Variants in POMGNT2 observed in about 807,000 individuals in gnomAD.
POMGNT2 encodes protein O-linked-mannose beta-1,4-N-acetylglucosaminyltransferase 2.
In POMGNT2, 32 loss-of-function variants were observed where a neutral mutation model predicts 37.8. The observed-to-expected ratio is 0.85, with a 90% CI of 0.64 to 1.14. The LOEUF (loss-of-function observed/expected upper bound fraction) is 1.14, where lower values mean the gene tolerates loss of function less well. Among genes scored for constraint, POMGNT2 ranks in the 50% most tolerant of loss-of-function variants. The pLI is 0.00. For synonymous variants in POMGNT2, 340 were observed against 336.8 expected, an observed-to-expected ratio of 1.01 and a Z score of -0.10; for missense variants, 705 against 780.6, an observed-to-expected ratio of 0.90 and a Z score of 1.15.
intron 1 of POMGNT2, among the ~76,000 whole-genome samples, chr3:43,091,008 C>T (rs539556213): frequency 6.6e-6 from 1 of 152,162 alleles, no homozygotes; most frequent in Non-Finnish European, 1.5e-5. Context: ...TCTCCTCCCA[C>T]AAAGTATCTA....
intron 1 of POMGNT2, among the ~76,000 whole-genome samples, chr3:43,088,918 C>A (rs983303191): frequency 6.6e-6 from 1 of 152,188 alleles, no homozygotes; most frequent in African/African-American, 2.4e-5. Flanking sequence ...AACATTCCAA[C>A]TGGTATGGAG....
Position 43,080,583 on chromosome 3 carries a change from G to C in POMGNT2, c.849C>G (p.Pro283=). The change falls in exon 2 of 2, where the codon CCC becomes CCG. Residue 283 remains proline, a synonymous_variant. Transcript: ENST00000344697. ...AGACCAGAATGTACTCCTCGCCTAGGGGGACTCCTGTGTGGCTCACGTTCA... is the reference window on the plus strand; with the variant it reads ...AGACCAGAATGTACTCCTCGCCTAGCGGGACTCCTGTGTGGCTCACGTTCA... The part of the protein sequence containing the change: ...EKLNVSHTGV[P]LGEEYILVFS... The C allele has an allele frequency of 1.9e-6, 3 of 1,614,226 alleles. No homozygotes were observed. Among genetic ancestry groups the C allele is most frequent in the Non-Finnish European group, 2.5e-6 (3 of 1,180,042 alleles).
chr3:43,096,114 G>A (rs937114631), intron 1 of POMGNT2, among the ~76,000 whole-genome samples: 5 of 152,262 alleles, frequency 3.3e-5, no homozygotes, highest in Admixed American at 3.3e-4. Context: ...TTAGAAAAGC[G>A]GAGGTAATCA....
rs1017220189 is a variant in POMGNT2 at position 43,079,849 on chromosome 3, T to A, written c.1583A>T (p.Glu528Val). 12 of 1,614,182 alleles carry A rather than the reference T, an allele frequency of 7.4e-6. No individual in the cohort carries two copies. Among genetic ancestry groups the A allele is most frequent in the Non-Finnish European group, 1.0e-5 (12 of 1,180,018 alleles). ...REVKYEVWLQ[E>V]QGENTYVPYI... ...AGGCACGTAGGTGTTCTCCCCCTGCTCCTGCAGCCACACCTCGTACTTCAC... is the reference window on the plus strand; with the variant it reads ...AGGCACGTAGGTGTTCTCCCCCTGCACCTGCAGCCACACCTCGTACTTCAC... Residue 528 changes from glutamate to valine, a missense_variant, in exon 2 of 2, where the codon GAG becomes GTG. Glu to Val is a moderately radical substitution (Grantham distance 121). Coordinates refer to ENST00000344697, the MANE Select transcript of POMGNT2 (RefSeq NM_032806.6).
At chr3:43,091,537 T>C (rs546433592) in intron 1 of POMGNT2, among the ~76,000 whole-genome samples, 53 of 152,340 alleles carry the variant, frequency 3.5e-4, no homozygotes, top group African/African-American at 1.1e-3. Context: ...CAGTAATAAC[T>C]GTTGCAGGCA....
intron 1 of POMGNT2, among the ~76,000 whole-genome samples, chr3:43,100,089 T>C (rs2090006633): frequency 6.6e-6 from 1 of 152,088 alleles, no homozygotes; most frequent in Non-Finnish European, 1.5e-5. Context: ...AAAAGTTGCA[T>C]GTATAGGACA....
At chr3:43,094,421 T>C (rs2089964964) in intron 1 of POMGNT2, among the ~76,000 whole-genome samples, 1 of 152,188 alleles carries the variant, frequency 6.6e-6, no homozygotes. Context: ...TCCAGACCAA[T>C]TTTCACTGCT....
At chr3:43,101,451 T>G (rs2090018760) in intron 1 of POMGNT2, among the ~76,000 whole-genome samples, 1 of 152,142 alleles carries the variant, frequency 6.6e-6, no homozygotes. Flanking sequence ...CTGGCCATGG[T>G]GTCTTCCAAA....
intron 1 of POMGNT2, among the ~76,000 whole-genome samples, chr3:43,086,616 G>C (rs1483268290): frequency 1.3e-5 from 2 of 152,210 alleles, no homozygotes; most frequent in Non-Finnish European, 2.9e-5. Flanking sequence ...CAGAACTTCA[G>C]ATCAGGTCTA....
At chr3:43,100,444 G>A (rs114228612) in intron 1 of POMGNT2, among the ~76,000 whole-genome samples, 2,190 of 152,250 alleles carry the variant, frequency 0.014, 50 homozygotes, top group African/African-American at 0.05. Context: ...TCTGGTATCT[G>A]TGGGGGATCC....
At chr3:43,090,790 G>C (rs184737204) in intron 1 of POMGNT2, among the ~76,000 whole-genome samples, 1 of 152,330 alleles carries the variant, frequency 6.6e-6, no homozygotes, top group Admixed American at 6.5e-5. Context: ...CTCAGATCTA[G>C]ACCAGGGAAC....
chr3:43,090,780 CTCAGA>C (rs2089937263), intron 1 of POMGNT2, among the ~76,000 whole-genome samples: 2 of 152,150 alleles, frequency 1.3e-5, no homozygotes, highest in East Asian at 3.9e-4. Flanking sequence ...AGATCCTCAG[CTCAGA>C]TCTAGACCAG....
At position 43,080,564 on chromosome 3, in the gene POMGNT2, G is replaced by C. The variant is rs1575462235; in HGVS notation, c.868C>G (p.Leu290Val). 6.2e-7 allele frequency: 1 copy of C among 1,614,244 alleles called. No individual in the cohort carries two copies. The highest frequency in any genetic ancestry group is 8.5e-7 in the Non-Finnish European group (1 of 1,180,046). Residue 290 changes from leucine to valine, a missense_variant, in exon 2 of 2, where the codon CTG becomes GTG. Physicochemically the swap from Leu to Val is conservative, Grantham distance 32. Transcript: ENST00000344697. ...TGVPLGEEYILVFSRTQNRLI... is the reference protein window; with the variant it reads ...TGVPLGEEYIVVFSRTQNRLI... Reference sequence around the variant, plus strand: ...CTGTTCTGGGTTCGGCTAAAGACCAGAATGTACTCCTCGCCTAGGGGGACT... The same window carrying C: ...CTGTTCTGGGTTCGGCTAAAGACCACAATGTACTCCTCGCCTAGGGGGACT...
rs766108967 is a variant in POMGNT2 at position 43,081,167 on chromosome 3, C to T, written c.265G>A (p.Glu89Lys). 3.5e-5 allele frequency: 57 copies of T among 1,614,094 alleles called. No individual in the cohort carries two copies. The highest frequency in any genetic ancestry group is 1.4e-4 in the South Asian group (13 of 91,092). ...CRFKWLCYSN[E>K]AEEFIFFHGN... ...TGGAAGAAGATGAACTCCTCAGCCT[C>T]GTTGGAGTAGCAGAGCCACTTGAAG... Residue 89 changes from glutamate (E) to lysine (K), a missense_variant, in exon 2 of 2, where the codon GAG becomes AAG. By Grantham distance (56) the Glu-to-Lys change is moderately conservative (BLOSUM62 1). Coordinates refer to ENST00000344697, the MANE Select transcript of POMGNT2 (RefSeq NM_032806.6).
intron 1 of POMGNT2, among the ~76,000 whole-genome samples, chr3:43,105,569 C>A (rs2090052207): frequency 6.7e-6 from 1 of 148,626 alleles, no homozygotes; most frequent in Non-Finnish European, 1.5e-5. Flanking sequence ...CCCCGGCCCC[C>A]GGCCCCCGAC....
At chr3:43,102,777 T>C (rs1447334198) in intron 1 of POMGNT2, among the ~76,000 whole-genome samples, 1 of 152,226 alleles carries the variant, frequency 6.6e-6, no homozygotes, top group Non-Finnish European at 1.5e-5. Flanking sequence ...ACTAAGGTCT[T>C]GTTCTTAGTA....
chr3:43,085,194 T>C (rs575582605), intron 1 of POMGNT2, among the ~76,000 whole-genome samples: 25 of 152,270 alleles, frequency 1.6e-4, no homozygotes, highest in Admixed American at 7.8e-4. Flanking sequence ...AAGAGGACTA[T>C]GGTAGTGAAG....
intron 1 of POMGNT2, among the ~76,000 whole-genome samples, chr3:43,084,940 CT>C (rs768435379): frequency 2.0e-5 from 3 of 151,014 alleles, no homozygotes; most frequent in Non-Finnish European, 4.4e-5. Flanking sequence ...TACTCTGGAT[CT>C]TACTTAAATC....
chr3:43,080,279 C>T lies in POMGNT2; in HGVS notation c.1153G>A (p.Gly385Ser). The change falls in exon 2 of 2, where the codon GGC (glycine) becomes AGC (serine). Residue 385 changes from glycine (G) to serine (S), a missense_variant. Physicochemically the swap from Gly to Ser is moderately conservative, Grantham distance 56 (BLOSUM62 0). Coordinates refer to ENST00000344697, the MANE Select transcript of POMGNT2 (RefSeq NM_032806.6). ...CAGGCTACATACTGGAGGTCCATGC[C>T]AGGCAGCATGGCCAGCGTCTTATAG... ...TPYKTLAMLP[G>S]MDLQYVAWRN... The T allele has an allele frequency of 3.7e-6, 6 of 1,614,162 alleles. No homozygotes were observed. Among genetic ancestry groups the T allele is most frequent in the South Asian group, 2.2e-5 (2 of 91,086 alleles).
Sources: allele counts gnomAD v4.1 joint callset (sites outside exome capture counted in the v4.1 genomes callset), GRCh38; gene constraint gnomAD v4.1.1; transcripts MANE v1.5; gene names NCBI Gene and HGNC (gene_info 2026-07-23, HGNC 2026-07-21).